The following ULK4 variants were observed in gnomAD, a reference collection of about 807,000 sequenced individuals.
The protein encoded by ULK4 is inactive serine/threonine-protein kinase ULK4.
In ULK4, 133 loss-of-function variants were observed where a neutral mutation model predicts 160.6. That is an observed-to-expected ratio of 0.83 (90% CI 0.72 to 0.96). The LOEUF (loss-of-function observed/expected upper bound fraction) is 0.96. Ranked by LOEUF, ULK4 falls within the 40% of genes least tolerant of loss-of-function variation. The pLI, the probability that ULK4 is intolerant of heterozygous loss-of-function variation, is 0.00. For synonymous variants in ULK4, 534 were observed against 539.8 expected, an observed-to-expected ratio of 0.99 and a Z score of 0.15; for missense variants, 1,580 against 1,499.5, an observed-to-expected ratio of 1.05 and a Z score of -0.89.
At position 41,467,313 on chromosome 3, in the gene ULK4, A is replaced by G. The variant is rs561088865; in HGVS notation, c.3227-4060T>C. On this transcript the variant is annotated intron_variant, in intron 32 of 36. Transcript: ENST00000301831. ...GAGGCCGAGGTGGGCAGATCACTTGAGGCAGGAATTCGAGACCAGCCTGAC... is the reference window on the plus strand; with the variant it reads ...GAGGCCGAGGTGGGCAGATCACTTGGGGCAGGAATTCGAGACCAGCCTGAC... Among the ~76,000 whole-genome samples the G allele has an allele frequency of 1.2e-4, 18 of 152,272 alleles. No homozygotes were observed. The Middle Eastern group carries it at 0.01, about 86-fold the overall frequency.
intron 22 of ULK4, among the ~76,000 whole-genome samples, chr3:41,752,298 A>T (rs1691877881): frequency 6.6e-6 from 1 of 152,222 alleles, no homozygotes; most frequent in Non-Finnish European, 1.5e-5. Flanking sequence ...TGGTAAACGC[A>T]AAGACAAATC....
chr3:41,919,248 G>C (rs186356772), intron 6 of ULK4, among the ~76,000 whole-genome samples: 18 of 152,262 alleles, frequency 1.2e-4, no homozygotes, highest in African/African-American at 4.3e-4. Context: ...CTAGGAATCT[G>C]CATATGCCTA....
chr3:41,485,724 G>A (rs181883721), intron 32 of ULK4, among the ~76,000 whole-genome samples: 219 of 152,260 alleles, frequency 1.4e-3, no homozygotes, highest in African/African-American at 5.0e-3. Flanking sequence ...AGCAGGGAGC[G>A]CATTTCATTT....
chr3:41,804,233 C>T (rs34378544), intron 19 of ULK4, among the ~76,000 whole-genome samples: 1 of 151,926 alleles, frequency 6.6e-6, no homozygotes, highest in African/African-American at 2.4e-5. Flanking sequence ...TCTCTGATGG[C>T]CAGTGATGGT....
chr3:41,650,577 C>T (rs1358832349), intron 30 of ULK4, among the ~76,000 whole-genome samples: 4 of 152,224 alleles, frequency 2.6e-5, no homozygotes, highest in South Asian at 2.1e-4. Flanking sequence ...CCTGACTGTG[C>T]GCAGTGGACA....
At position 41,876,162 on chromosome 3, in the gene ULK4, T is replaced by C. The variant is rs773905409; in HGVS notation, c.1656+7712A>G. Reference sequence around the variant, plus strand: ...ATCAATGTAATGTGGCAAGAAAAAATAGAGGAACAATTCTAGAAAAAAACA... The same window carrying C: ...ATCAATGTAATGTGGCAAGAAAAAACAGAGGAACAATTCTAGAAAAAAACA... On this transcript the variant is annotated intron_variant, in intron 17 of 36. Transcript: ENST00000301831. Among the ~76,000 whole-genome samples the C allele has an allele frequency of 7.3e-5, 10 of 137,806 alleles. No individual in the cohort carries two copies. The South Asian group carries it at 1.5e-3, about 21-fold the overall frequency. 90.4% of individuals were successfully genotyped at this position (137,806 alleles called of 152,430 possible).
At chr3:41,281,281 A>G (rs1419620224) in intron 35 of ULK4, among the ~76,000 whole-genome samples, 1 of 152,198 alleles carries the variant, frequency 6.6e-6, no homozygotes, top group Non-Finnish European at 1.5e-5. Flanking sequence ...AAAAAGAAGG[A>G]ATCCTCCCTA....
chr3:41,717,319 A>C, intron 23 of ULK4, among the ~76,000 whole-genome samples: 1 of 152,306 alleles, frequency 6.6e-6, no homozygotes, highest in East Asian at 1.9e-4. Flanking sequence ...AAATCTATTC[A>C]AAGTTTTTTT....
At chr3:41,600,511 G>A (rs2031986320) in intron 31 of ULK4, among the ~76,000 whole-genome samples, 1 of 152,118 alleles carries the variant, frequency 6.6e-6, no homozygotes, top group African/African-American at 2.4e-5. Flanking sequence ...GCAAAGAAAG[G>A]ACAGATGCAT....
At chr3:41,689,637 A>C (rs1189628978) in intron 27 of ULK4, among the ~76,000 whole-genome samples, 1 of 152,240 alleles carries the variant, frequency 6.6e-6, no homozygotes, top group East Asian at 1.9e-4. Flanking sequence ...AAAGGACATG[A>C]ATACACACTT....
Position 41,754,395 on chromosome 3 carries a change from T to C in ULK4, c.2287A>G (p.Asn763Asp). The C allele has an allele frequency of 6.2e-7, 1 of 1,613,238 alleles. No individual in the cohort carries two copies. Among genetic ancestry groups the C allele is most frequent in the Non-Finnish European group, 8.5e-7 (1 of 1,179,706 alleles). The part of the protein sequence containing the change: ...FLVLLYILIY[N>D]REMLLLSCQA... ...CAACTGAGCAGCAACATCTCACGGT[T>C]ATAAATCAAAATATATAGAAGAACC... Residue 763 changes from asparagine (N) to aspartate (D), a missense_variant, in exon 22 of 37, where the codon AAC becomes GAC. Physicochemically the swap from Asn to Asp is conservative, Grantham distance 23. Coordinates refer to ENST00000301831, the MANE Select transcript of ULK4 (RefSeq NM_017886.4).
rs1462585888 is a variant in ULK4, at chr3:41,305,237, GGTCTCCCTCTCCCTCTCTTTCCACA to G, written c.3679-55688_3679-55664del. 8.6e-5 allele frequency among the ~76,000 whole-genome samples: 13 copies of G among 151,876 alleles called. No homozygotes were observed. The East Asian group carries it at 2.1e-3, about 25-fold the overall frequency. On this transcript the variant is annotated intron_variant, in intron 35 of 36. Transcript: ENST00000301831. ...ACGGTCTCCCTCTCCCTCTCCCCAC[GGTCTCCCTCTCCCTCTCTTTCCACA>G]GTCTCCCTCTCATGCTGAGCCGAAG... is the stretch of plus-strand genomic sequence containing the variant.
chr3:41,643,727 A>G (rs1007893780), intron 30 of ULK4, among the ~76,000 whole-genome samples: 1 of 152,174 alleles, frequency 6.6e-6, no homozygotes, highest in African/African-American at 2.4e-5. Flanking sequence ...AGTTCTGTGA[A>G]GAAAGTCATT....
intron 30 of ULK4, among the ~76,000 whole-genome samples, chr3:41,618,458 G>T (rs1458078773): frequency 6.6e-6 from 1 of 152,134 alleles, no homozygotes; most frequent in East Asian, 1.9e-4. Context: ...CAAGAGCGTG[G>T]GGGCCAACAT....
intron 33 of ULK4, among the ~76,000 whole-genome samples, chr3:41,456,531 G>A (rs1209771609): frequency 1.3e-5 from 2 of 152,150 alleles, no homozygotes; most frequent in Non-Finnish European, 2.9e-5. Flanking sequence ...AGACTTAAAT[G>A]GCAATGAAAA....
chr3:41,455,665 C>G (rs1435683455), intron 33 of ULK4, 70 bp from the exon 34 acceptor site: 1 of 1,432,960 alleles, frequency 7.0e-7, no homozygotes, highest in African/African-American at 1.4e-5. Context: ...GAAACAGGAC[C>G]ACTCCATCGG....
intron 17 of ULK4, among the ~76,000 whole-genome samples, chr3:41,848,790 G>A (rs114492395): frequency 2.3e-3 from 344 of 152,296 alleles, no homozygotes; most frequent in African/African-American, 8.1e-3. Context: ...TGGAGCCTTT[G>A]ACCTTGTTCA....
intron 31 of ULK4, among the ~76,000 whole-genome samples, chr3:41,587,520 T>C (rs916798515): frequency 2.6e-5 from 4 of 152,180 alleles, no homozygotes; most frequent in Admixed American, 6.5e-5. Context: ...CATGTAGATA[T>C]ATAGCTTTGA....
At chr3:41,483,014 C>A (rs1423046770) in intron 32 of ULK4, among the ~76,000 whole-genome samples, 1 of 152,128 alleles carries the variant, frequency 6.6e-6, no homozygotes, top group Non-Finnish European at 1.5e-5. Flanking sequence ...TGTGTTACAA[C>A]TAATCTAATT....
Sources: allele counts gnomAD v4.1 joint callset (sites outside exome capture counted in the v4.1 genomes callset), GRCh38; gene constraint gnomAD v4.1.1; transcripts MANE v1.5; gene names NCBI Gene and HGNC (gene_info 2026-07-23, HGNC 2026-07-21).